MACROD2: variants seen among roughly 807,000 people sequenced by gnomAD.
MACROD2 encodes mono-ADP ribosylhydrolase 2.
A neutral mutation model predicts 70.4 loss-of-function variants in MACROD2; 36 were observed. The ratio of observed to expected loss-of-function variants is 0.51; its 90% CI spans 0.39 to 0.68. MACROD2 has a LOEUF of 0.68. Ranked by LOEUF, MACROD2 falls within the 30% of genes least tolerant of loss-of-function variation. The pLI is 0.00. For synonymous variants in MACROD2, 172 were observed against 178.8 expected (o/e 0.96, Z 0.30); for missense variants, 496 against 538.4 (o/e 0.92, Z 0.78).
At chr20:14,352,211 A>G (rs1045625264) in intron 3 of MACROD2, 2 of 151,980 alleles carry the variant, frequency 1.3e-5, no homozygotes, top group African/African-American at 4.8e-5. Context: ...TGTCTAACTT[A>G]TTTGTTTTAT....
chr20:15,282,538 C>T (rs932431957), intron 6 of MACROD2, among the ~76,000 whole-genome samples: 1 of 152,174 alleles, frequency 6.6e-6, no homozygotes, highest in Admixed American at 6.5e-5. Flanking sequence ...ATCAAAATTC[C>T]AGAAATTTCT....
At chr20:15,856,300 T>C (rs1329008524) in intron 8 of MACROD2, among the ~76,000 whole-genome samples, 1 of 152,234 alleles carries the variant, frequency 6.6e-6, no homozygotes, top group Non-Finnish European at 1.5e-5. Context: ...TTAAGCACTC[T>C]ATATGAAAAC....
At chr20:15,082,401 A>G (rs573875908) in intron 5 of MACROD2, among the ~76,000 whole-genome samples, 1 of 152,050 alleles carries the variant, frequency 6.6e-6, no homozygotes, top group Non-Finnish European at 1.5e-5. Context: ...ATAATATAGA[A>G]TGGATTGTGG....
intron 8 of MACROD2, among the ~76,000 whole-genome samples, chr20:15,772,232 TA>T (rs2051648381): frequency 8.3e-6 from 1 of 121,058 alleles, no homozygotes; most frequent in African/African-American, 3.1e-5. Context: ...TCCTAAAAAC[TA>T]AGGACTGTGT....
chr20:14,503,544 C>T (rs539770725), intron 4 of MACROD2, among the ~76,000 whole-genome samples: 1 of 152,214 alleles, frequency 6.6e-6, no homozygotes, highest in African/African-American at 2.4e-5. Flanking sequence ...GAGAGAGATG[C>T]AAGAAGACTC....
chr20:15,560,488 T>C (rs1600590833), intron 8 of MACROD2, among the ~76,000 whole-genome samples: 1 of 152,050 alleles, frequency 6.6e-6, no homozygotes, highest in East Asian at 1.9e-4. Context: ...ATGGGCTGAG[T>C]TCAATGACTC....
intron 8 of MACROD2, among the ~76,000 whole-genome samples, chr20:15,582,426 G>A (rs1458202599): frequency 6.6e-6 from 1 of 152,156 alleles, no homozygotes; most frequent in Non-Finnish European, 1.5e-5. Flanking sequence ...CCAAGCTCTT[G>A]GCATTTTCCT....
intron 8 of MACROD2, among the ~76,000 whole-genome samples, chr20:15,656,703 C>A (rs1464837719): frequency 2.6e-5 from 4 of 152,074 alleles, no homozygotes; most frequent in Admixed American, 2.0e-4. Flanking sequence ...GAGTTTTTTT[C>A]ACCTGGCTAT....
At chr20:15,112,658 C>T (rs1268696916) in intron 5 of MACROD2, among the ~76,000 whole-genome samples, 1 of 152,078 alleles carries the variant, frequency 6.6e-6, no homozygotes, top group African/African-American at 2.4e-5. Flanking sequence ...CAAAAATTTC[C>T]CATTTTATTC....
intron 3 of MACROD2, among the ~76,000 whole-genome samples, chr20:14,186,433 A>G (rs1460242873): frequency 1.3e-5 from 2 of 152,192 alleles, no homozygotes; most frequent in Non-Finnish European, 2.9e-5. Flanking sequence ...CAGAATGGCT[A>G]TTATTAAAAA....
At chr20:15,952,218 C>T (rs897457216) in intron 12 of MACROD2, among the ~76,000 whole-genome samples, 10 of 152,084 alleles carry the variant, frequency 6.6e-5, no homozygotes, top group African/African-American at 2.4e-4. Flanking sequence ...TTTTTCTTCC[C>T]GGTCTTGAGT....
At chr20:15,133,148 T>C (rs1340072635) in intron 5 of MACROD2, among the ~76,000 whole-genome samples, 1 of 152,026 alleles carries the variant, frequency 6.6e-6, no homozygotes, top group African/African-American at 2.4e-5. Flanking sequence ...AGGGAAGTGC[T>C]ATAAAAAGGA....
intron 2 of MACROD2, among the ~76,000 whole-genome samples, chr20:14,042,918 GT>G (rs573192408): frequency 3.6e-3 from 515 of 141,190 alleles, no homozygotes; most frequent in African/African-American, 0.01. Context: ...CAGGTGGTGG[GT>G]TTTTTTTTTT....
At chr20:15,851,917 C>A (rs757462378) in intron 8 of MACROD2, among the ~76,000 whole-genome samples, 1 of 152,192 alleles carries the variant, frequency 6.6e-6, no homozygotes, top group Non-Finnish European at 1.5e-5. Context: ...GCAGCCACCA[C>A]GAGCACACGG....
intron 8 of MACROD2, among the ~76,000 whole-genome samples, chr20:15,726,041 T>C (rs181227156): frequency 6.6e-6 from 1 of 152,260 alleles, no homozygotes; most frequent in Non-Finnish European, 1.5e-5. Flanking sequence ...GTAAAAAGCA[T>C]ACTACCCAAT....
At chr20:14,945,478 G>A (rs1413379804) in intron 5 of MACROD2, among the ~76,000 whole-genome samples, 1 of 152,174 alleles carries the variant, frequency 6.6e-6, no homozygotes, top group Non-Finnish European at 1.5e-5. Flanking sequence ...ACCTTAGTAA[G>A]GGTGTGATTG....
chr20:15,211,209 T>C (rs769809951), intron 5 of MACROD2, among the ~76,000 whole-genome samples: 2 of 152,234 alleles, frequency 1.3e-5, no homozygotes, highest in Non-Finnish European at 2.9e-5. Context: ...TTCTCTTTTG[T>C]CTCTGTTTTC....
chr20:15,758,237 C>CATT (rs2051377579), intron 8 of MACROD2, among the ~76,000 whole-genome samples: 1 of 122,134 alleles, frequency 8.2e-6, no homozygotes, highest in Non-Finnish European at 1.7e-5. Flanking sequence ...TCCTGTAATT[C>CATT]TTTTTTTTTT....
At chr20:15,705,229 A>C (rs2050515668) in intron 8 of MACROD2, among the ~76,000 whole-genome samples, 2 of 152,206 alleles carry the variant, frequency 1.3e-5, no homozygotes, top group Non-Finnish European at 2.9e-5. Flanking sequence ...GATCAAATTA[A>C]TAGAAAAAGT....
Sources: gnomAD v4.1 joint callset for allele counts (sites outside exome capture counted in the v4.1 genomes callset) on GRCh38, gnomAD v4.1.1 for gene constraint, MANE v1.5 for transcripts, NCBI Gene and HGNC (gene_info 2026-07-23, HGNC 2026-07-21) for gene names.